CFAP74: variants seen among roughly 807,000 people sequenced by gnomAD.
The protein encoded by CFAP74 is cilia and flagella associated protein 74.
Under a neutral mutation model 188.9 loss-of-function variants are expected in CFAP74, and 124 were observed. The ratio of observed to expected loss-of-function variants is 0.66; its 90% CI spans 0.57 to 0.76. CFAP74 has a LOEUF of 0.76. Ranked by LOEUF, CFAP74 falls within the 30% of genes least tolerant of loss-of-function variation. CFAP74 has a pLI of 0.00. For missense variants in CFAP74, 2,198 were observed against 2,165.2 expected (o/e 1.02, Z -0.30); for synonymous variants, 956 against 916.7 (o/e 1.04, Z -0.77).
rs1651557621 is a variant in CFAP74 at position 1,923,458 on chromosome 1, C to T, written c.4431G>A (p.Gln1477=). The T allele has an allele frequency of 6.2e-6, 10 of 1,611,790 alleles. 1 individual carries two copies. In the East Asian group the frequency reaches 2.0e-4, roughly 32 times the overall value. The change falls in exon 36 of 39, where the codon CAG becomes CAA. Residue 1477 remains glutamine, a synonymous_variant. Coordinates refer to ENST00000682832, the MANE Select transcript of CFAP74 (RefSeq NM_001304360.2). This position sits in a 1 kb window ranked among gnomAD's most constrained non-coding sequence, Gnocchi z 6.3. ...HQILLKGAAC[Q]HMMFVEGGDP... ...CGCCGCCCTCCACGAACATCATGTG[C>T]TGACAGGCGGCACCCTTCAGCAGGA...
intron 1 of CFAP74, among the ~76,000 whole-genome samples, chr1:1,997,723 C>T (rs1475762074): frequency 1.3e-5 from 2 of 152,062 alleles, no homozygotes; most frequent in Non-Finnish European, 2.9e-5. Context: ...ACAGAGAATG[C>T]GAGGAACCCC....
chr1:2,000,898 C>T (rs1291252653), intron 1 of CFAP74, among the ~76,000 whole-genome samples: 1 of 152,166 alleles, frequency 6.6e-6, no homozygotes, highest in African/African-American at 2.4e-5. Context: ...GAATCTCTCG[C>T]ACAACCCCGA....
Position 1,926,448 on chromosome 1 carries a change from C to A in CFAP74, c.3828+9G>T, listed in dbSNP as rs535683702. 2.0e-5 allele frequency: 31 copies of A among 1,550,272 alleles called. No individual in the cohort carries two copies. The highest frequency in any genetic ancestry group is 2.7e-5 in the Non-Finnish European group (31 of 1,146,904). On this transcript the variant is annotated intron_variant, in intron 31 of 38. Coordinates refer to ENST00000682832, the MANE Select transcript of CFAP74 (RefSeq NM_001304360.2). The stretch of plus-strand genomic sequence containing the variant: ...CCGCAGGCCGCCTGAGCTGGGTGGA[C>A]AAGGACACGGCCAGATCCTCGGGAG...
At position 1,939,742 on chromosome 1, in the gene CFAP74, T is replaced by C. The variant is rs769520581; in HGVS notation, c.2729A>G (p.His910Arg). 2.0e-6 allele frequency: 3 copies of C among 1,536,062 alleles called. No individual in the cohort carries two copies. The highest frequency in any genetic ancestry group is 1.2e-5 in the South Asian group (1 of 84,060). Residue 910 changes from histidine to arginine, a missense_variant, in exon 24 of 39, where the codon CAT becomes CGT. Transcript: ENST00000682832. ...CAGGTCCGAGGTGGTGACAATGGCA[T>C]GCACGGTGAATCCCACTGGCTTGTT... ...DQNKPVGFTVHAIVTTSDLEL... is the reference protein window; with the variant it reads ...DQNKPVGFTVRAIVTTSDLEL...
intron 1 of CFAP74, among the ~76,000 whole-genome samples, chr1:2,001,788 C>T (rs905680426): frequency 5.9e-5 from 9 of 152,152 alleles, no homozygotes; most frequent in African/African-American, 1.7e-4. Context: ...GTCACCTCTG[C>T]GACTTTCCTG....
Position 1,926,050 on chromosome 1 carries a change from G to T in CFAP74, c.3949-112C>A, listed in dbSNP as rs550318916. 1.9e-5 allele frequency: 27 copies of T among 1,402,844 alleles called. No homozygotes were observed. In the East Asian group the frequency reaches 5.3e-4, roughly 27 times the overall value. The allele number at this position is 1,402,844 out of a possible 1,614,324, so 86.9% of individuals were successfully genotyped here. A position where few individuals can be genotyped will look rare whatever the true frequency, so the allele number is the denominator to read the frequency against. On this transcript the variant is annotated intron_variant, in intron 32 of 38. Coordinates refer to ENST00000682832, the MANE Select transcript of CFAP74 (RefSeq NM_001304360.2). ...GCTGGAGTTGAGACAGCTCTGGGGG[G>T]GCTCTGTCAGCTCCGCTCACTTGGC...
At chr1:1,990,865 G>A (rs376232896) in intron 2 of CFAP74, 25 bp downstream of exon 2, 7 of 1,594,258 alleles carry the variant, frequency 4.4e-6, no homozygotes, top group East Asian at 4.5e-5. Context: ...TGAAACTTCC[G>A]TTACTGTGAA....
At position 1,956,774 on chromosome 1, in the gene CFAP74, T is replaced by A; in HGVS notation, c.1862A>T (p.Asp621Val). The A allele has an allele frequency of 6.2e-7, 1 of 1,612,794 alleles. No individual in the cohort carries two copies. Among genetic ancestry groups the A allele is most frequent in the African/African-American group, 1.3e-5 (1 of 75,020 alleles). Reference protein sequence around the residue: ...CSTKKCSLSLDKELIDFGSYV... With the variant: ...CSTKKCSLSLVKELIDFGSYV... ...GCTGCCGAAGTCAATGAGCTCCTTGTCGAGGGACAGCTGCCAGAGGACATG... is the reference window on the plus strand; with the variant it reads ...GCTGCCGAAGTCAATGAGCTCCTTGACGAGGGACAGCTGCCAGAGGACATG... The change falls in exon 17 of 39, where the codon GAC becomes GTC. Residue 621 changes from aspartate (D) to valine (V), a missense_variant. By Grantham distance (152) the Asp-to-Val change is radical. Coordinates refer to ENST00000682832, the MANE Select transcript of CFAP74 (RefSeq NM_001304360.2).
intron 6 of CFAP74, among the ~76,000 whole-genome samples, chr1:1,979,476 G>GT (rs1656677169): frequency 7.0e-6 from 1 of 142,142 alleles, no homozygotes; most frequent in Non-Finnish European, 1.6e-5. Flanking sequence ...CAGAACACGC[G>GT]TGTGGTACTG....
intron 6 of CFAP74, 54 bp downstream of exon 6, chr1:1,985,332 C>T: frequency 6.8e-7 from 1 of 1,478,138 alleles, no homozygotes. Flanking sequence ...ATGGGAAGGA[C>T]TCGCACCGTT....
chr1:1,990,464 A>C (rs1410509954), intron 2 of CFAP74, among the ~76,000 whole-genome samples: 1 of 17,512 alleles, frequency 5.7e-5, no homozygotes, highest in East Asian at 1.0e-3. Flanking sequence ...CGGGGTGGGG[A>C]GTGGGGTGGG....
rs185512830 is a variant in CFAP74, at chr1:1,949,413, C to A, written c.2177-2359G>T. Among the ~76,000 whole-genome samples the A allele has an allele frequency of 4.5e-3, 691 of 152,228 alleles. 2 individuals are homozygous for A. The highest frequency in any genetic ancestry group is 7.0e-3 in the Non-Finnish European group (476 of 68,016). On this transcript the variant is annotated intron_variant, in intron 18 of 38. Transcript: ENST00000682832. ...GACCTCAAGTGATCCGCTTGGCCTC[C>A]CAAAGTGCTGGGATTACAAGTGTAA...
Position 1,947,000 on chromosome 1 carries a change from G to T in CFAP74, c.2231C>A (p.Thr744Lys). The change falls in exon 19 of 39, where the codon ACG becomes AAG. Residue 744 changes from threonine to lysine, a missense_variant. Thr to Lys is a moderately conservative substitution (Grantham distance 78). Coordinates refer to ENST00000682832, the MANE Select transcript of CFAP74 (RefSeq NM_001304360.2). ...CCTGAGCTGGCTGACCTCCCCCAGC[G>T]TGATCTCCGTCTGCTCTTCGCTGGG... ...IPPSEEQTEI[T>K]LGEVTEGEIG... The T allele has an allele frequency of 1.3e-6, 2 of 1,535,674 alleles. No individual in the cohort carries two copies. Among genetic ancestry groups the T allele is most frequent in the African/African-American group, 1.4e-5 (1 of 73,174 alleles).
At chr1:1,990,313 C>T (rs999971250) in intron 2 of CFAP74, among the ~76,000 whole-genome samples, 1 of 145,352 alleles carries the variant, frequency 6.9e-6, no homozygotes, top group Non-Finnish European at 1.5e-5. Flanking sequence ...TTCTTCCCTT[C>T]ATTAAATCTC....
chr1:1,971,133 ACACATGCTCG>A (rs1200155500), intron 9 of CFAP74, among the ~76,000 whole-genome samples: 1 of 149,422 alleles, frequency 6.7e-6, no homozygotes, highest in East Asian at 2.0e-4. Flanking sequence ...ACACGTGCAC[ACACATGCTCG>A]CACATGCACA....
At position 1,988,492 on chromosome 1, in the gene CFAP74, C is replaced by A. The variant is rs374341430; in HGVS notation, c.296+20G>T. 1.2e-6 allele frequency: 2 copies of A among 1,607,732 alleles called. No homozygotes were observed. Among genetic ancestry groups the A allele is most frequent in the African/African-American group, 2.7e-5 (2 of 74,982 alleles). On this transcript the variant is annotated intron_variant, in intron 4 of 38. Coordinates refer to ENST00000682832, the MANE Select transcript of CFAP74 (RefSeq NM_001304360.2). ...GGGGCATCAAGAGGTGCAGGTGCAG[C>A]GGCCTCAGCCCCAGCTCACCTCATC...
intron 1 of CFAP74, among the ~76,000 whole-genome samples, chr1:2,000,491 G>A (rs1190217714): frequency 1.3e-5 from 2 of 152,070 alleles, no homozygotes; most frequent in African/African-American, 4.8e-5. Flanking sequence ...TCCCGGGGTC[G>A]CCATAACAAA....
At chr1:1,937,698 A>G (rs1652993741) in intron 25 of CFAP74, among the ~76,000 whole-genome samples, 1 of 152,140 alleles carries the variant, frequency 6.6e-6, no homozygotes, top group Non-Finnish European at 1.5e-5. Flanking sequence ...AGCAGCAACA[A>G]GAACCCACGC....
At chr1:1,922,559 C>A (rs767958283) in intron 38 of CFAP74, 30 bp downstream of exon 38, 341 of 1,605,572 alleles carry the variant, frequency 2.1e-4, no homozygotes, top group Non-Finnish European at 2.9e-4. Context: ...GTTCCCAGGG[C>A]TCCCTGGCCT....
Sources: gnomAD v4.1 joint callset for allele counts (sites outside exome capture counted in the v4.1 genomes callset) on GRCh38, gnomAD v4.1.1 for gene constraint, Gnocchi (gnomAD v3.1) non-coding constraint, MANE v1.5 for transcripts, NCBI Gene and HGNC (gene_info 2026-07-23, HGNC 2026-07-21) for gene names.